Variants in RXFP1 observed in about 807,000 individuals in gnomAD.
The protein encoded by RXFP1 is relaxin receptor 1.
In RXFP1, 73 loss-of-function variants were observed where a neutral mutation model predicts 89.8. That is an observed-to-expected ratio of 0.81 (90% confidence interval 0.67 to 0.99). The LOEUF (loss-of-function observed/expected upper bound fraction) is 0.99, where lower values mean the gene tolerates loss of function less well. RXFP1 is among the 50% of genes least tolerant of loss of function. The pLI, the probability that RXFP1 is intolerant of heterozygous loss-of-function variation, is 0.00. For missense variants in RXFP1, 793 were observed against 895.5 expected (o/e 0.89, Z 1.46); for synonymous variants, 277 against 305.5 (o/e 0.91, Z 0.97).
At chr4:158,648,174 T>C (rs1046558508) in intron 16 of RXFP1, among the ~76,000 whole-genome samples, 1 of 151,212 alleles carries the variant, frequency 6.6e-6, no homozygotes, top group African/African-American at 2.5e-5. Flanking sequence ...AACCCATCTC[T>C]AAAAAAATTA....
At chr4:158,533,360 T>C (rs1037616234) in intron 1 of RXFP1, among the ~76,000 whole-genome samples, 2 of 152,096 alleles carry the variant, frequency 1.3e-5, no homozygotes, top group African/African-American at 4.8e-5. Context: ...AAAAAAGGAA[T>C]AACCATGAAG....
At chr4:158,604,816 A>G (rs1762285219) in intron 4 of RXFP1, among the ~76,000 whole-genome samples, 1 of 152,214 alleles carries the variant, frequency 6.6e-6, no homozygotes, top group South Asian at 2.1e-4. Flanking sequence ...AATTTTTTCA[A>G]TTTTATTTTT....
At chr4:158,549,150 CT>C (rs1362704835) in intron 1 of RXFP1, among the ~76,000 whole-genome samples, 11 of 151,666 alleles carry the variant, frequency 7.3e-5, no homozygotes, top group Admixed American at 4.6e-4. Context: ...TTGTTCGTTT[CT>C]TTTTATTCTT....
intron 1 of RXFP1, among the ~76,000 whole-genome samples, chr4:158,556,174 T>C (rs561068197): frequency 3.3e-5 from 5 of 150,914 alleles, no homozygotes; most frequent in African/African-American, 1.2e-4. Flanking sequence ...ATTTGCAAAC[T>C]GTACATTTGA....
Position 158,539,265 on chromosome 4 carries a change from G to A in RXFP1, c.49+17240G>A, listed in dbSNP as rs150733725. On this transcript the variant is annotated intron_variant, in intron 1 of 17. Transcript: ENST00000307765. ...CAAACACCACGTGTTCTCACTCATA[G>A]GTGGGAATTGAACAATGAGAACACA... 2.6e-3 allele frequency among the ~76,000 whole-genome samples: 392 copies of A among 152,242 alleles called. 2 individuals carry two copies. Among genetic ancestry groups the A allele is most frequent in the African/African-American group, 9.0e-3 (372 of 41,554 alleles).
intron 1 of RXFP1, among the ~76,000 whole-genome samples, chr4:158,527,334 G>A (rs1353315442): frequency 6.6e-6 from 1 of 151,766 alleles, no homozygotes; most frequent in African/African-American, 2.4e-5. Flanking sequence ...TTTGAGGTCA[G>A]GAGTTCAAGA....
intron 11 of RXFP1, among the ~76,000 whole-genome samples, chr4:158,630,376 A>AG (rs1177771721): frequency 6.6e-6 from 1 of 152,212 alleles, no homozygotes; most frequent in Non-Finnish European, 1.5e-5. Context: ...TCTAAATAGT[A>AG]GGGGGAGATG....
intron 1 of RXFP1, among the ~76,000 whole-genome samples, chr4:158,526,250 T>A (rs541001120): frequency 6.6e-6 from 1 of 152,350 alleles, no homozygotes; most frequent in Non-Finnish European, 1.5e-5. Context: ...GCACTTTTGT[T>A]TGCAGCACAT....
At chr4:158,602,891 C>T (rs963920468) in intron 4 of RXFP1, among the ~76,000 whole-genome samples, 3 of 152,146 alleles carry the variant, frequency 2.0e-5, no homozygotes, top group Admixed American at 6.6e-5. Flanking sequence ...ACACACTAAA[C>T]TTTCATCTAT....
chr4:158,621,031 G>A lies in RXFP1; in HGVS notation c.755+3826G>A, dbSNP rs186609640. ...TGGGCACTTGTAATCCCAGCTACTC[G>A]GGAGGCTGAGGCAGGAGAATCACTT... is the stretch of plus-strand genomic sequence containing the variant. On this transcript the variant is annotated intron_variant, in intron 9 of 17. Coordinates refer to ENST00000307765, the MANE Select transcript of RXFP1 (RefSeq NM_021634.4). 2.2e-3 allele frequency among the ~76,000 whole-genome samples: 328 copies of A among 152,140 alleles called. 1 individual carries two copies. The highest frequency in any genetic ancestry group is 7.6e-3 in the African/African-American group (316 of 41,522).
chr4:158,593,260 T>C, intron 2 of RXFP1, 141 bp from the exon 3 acceptor site: 2 of 447,210 alleles, frequency 4.5e-6, no homozygotes, highest in Non-Finnish European at 4.0e-6. Context: ...AATTCACGTT[T>C]ATAGCAAGTT....
At chr4:158,542,080 T>C (rs28587988) in intron 1 of RXFP1, among the ~76,000 whole-genome samples, 15,720 of 28,932 alleles carry the variant, frequency 0.54, 3,264 homozygotes, top group South Asian at 0.63. Flanking sequence ...CCACCATGGC[T>C]ATATATATAT....
At chr4:158,580,396 C>G (rs1391085386) in intron 2 of RXFP1, among the ~76,000 whole-genome samples, 2 of 152,168 alleles carry the variant, frequency 1.3e-5, no homozygotes, top group African/African-American at 4.8e-5. Context: ...TGTTAAATAT[C>G]ATAATATACA....
chr4:158,583,373 G>A (rs1010377061), intron 2 of RXFP1, among the ~76,000 whole-genome samples: 2 of 152,136 alleles, frequency 1.3e-5, no homozygotes, highest in Admixed American at 1.3e-4. Context: ...GACATTAGCG[G>A]TTCTCATTTT....
chr4:158,631,577 A>G (rs2150204180), intron 11 of RXFP1, among the ~76,000 whole-genome samples: 1 of 152,334 alleles, frequency 6.6e-6, no homozygotes, highest in Non-Finnish European at 1.5e-5. Context: ...ATAGGAGAAC[A>G]AAGGACAAAA....
At chr4:158,609,284 A>G (rs934939231) in intron 6 of RXFP1, among the ~76,000 whole-genome samples, 24 of 152,178 alleles carry the variant, frequency 1.6e-4, no homozygotes, top group African/African-American at 5.3e-4. Flanking sequence ...TTACTTTCCA[A>G]CTAGTGTTGC....
intron 1 of RXFP1, among the ~76,000 whole-genome samples, chr4:158,553,558 C>T (rs1750626088): frequency 6.6e-6 from 1 of 152,138 alleles, no homozygotes; most frequent in Admixed American, 6.5e-5. Context: ...TGGAGAGATG[C>T]ACTGTGGGGA....
chr4:158,527,935 G>A (rs1742997964), intron 1 of RXFP1, among the ~76,000 whole-genome samples: 1 of 151,968 alleles, frequency 6.6e-6, no homozygotes, highest in African/African-American at 2.4e-5. Flanking sequence ...AAAAGGGCAA[G>A]AAATATCAAA....
At chr4:158,637,943 A>G in intron 12 of RXFP1, 65 bp from the exon 13 acceptor site, 3 of 964,982 alleles carry the variant, frequency 3.1e-6, no homozygotes, top group East Asian at 2.4e-5. Context: ...CAAAATAAAC[A>G]GATTCACTCG....
Sources: allele counts gnomAD v4.1 joint callset (sites outside exome capture counted in the v4.1 genomes callset), GRCh38; gene constraint gnomAD v4.1.1; transcripts MANE v1.5; gene names NCBI Gene and HGNC (gene_info 2026-07-23, HGNC 2026-07-21).